Variants in TUSC3 observed in about 807,000 individuals in gnomAD.
The protein encoded by TUSC3 is tumor suppressor candidate 3.
In TUSC3, 45 loss-of-function variants were observed where a neutral mutation model predicts 44.8. That is an observed-to-expected ratio of 1.00 (90% confidence interval 0.79 to 1.29). The LOEUF (loss-of-function observed/expected upper bound fraction) is 1.29. TUSC3 is among the 50% of genes most tolerant of loss of function. TUSC3 has a pLI of 0.00. For synonymous variants in TUSC3, 212 were observed against 152.9 expected, an observed-to-expected ratio of 1.39 and a Z score of -2.85; for missense variants, 519 against 437.9, an observed-to-expected ratio of 1.19 and a Z score of -1.65.
intron 6 of TUSC3, among the ~76,000 whole-genome samples, chr8:15,715,490 T>G (rs2129201462): frequency 6.6e-6 from 1 of 152,212 alleles, no homozygotes; most frequent in East Asian, 1.9e-4. Flanking sequence ...TACGAAGGCA[T>G]GATTCGCAGC....
At chr8:15,775,311 G>C in the TUSC3 span, among the ~76,000 whole-genome samples, 4 of 152,094 alleles carry the variant, frequency 2.6e-5, no homozygotes, top group Admixed American at 2.0e-4. Context: ...TGAGGGGTAG[G>C]ATGGGGAGTG....
At chr8:15,799,538 G>C in the TUSC3 span, among the ~76,000 whole-genome samples, 1 of 152,164 alleles carries the variant, frequency 6.6e-6, no homozygotes, top group African/African-American at 2.4e-5. Context: ...GGTATTGTCA[G>C]CTGTGACCCC....
At chr8:15,539,743 A>C (rs1563278818), upstream of TUSC3, among the ~76,000 whole-genome samples, 1 of 152,102 alleles carries the variant, frequency 6.6e-6, no homozygotes, top group Non-Finnish European at 1.5e-5. Context: ...CTCTGTACTT[A>C]TGCACTCCAT....
intron 6 of TUSC3, among the ~76,000 whole-genome samples, chr8:15,684,381 G>C (rs1223511497): frequency 6.6e-6 from 1 of 152,122 alleles, no homozygotes; most frequent in Admixed American, 6.5e-5. Context: ...AGAGGATCCT[G>C]ACCAGGGCAG....
chr8:15,493,424 G>A (rs973031985), intron 2 of TUSC3, among the ~76,000 whole-genome samples: 12 of 151,982 alleles, frequency 7.9e-5, no homozygotes, highest in African/African-American at 2.9e-4. Flanking sequence ...CATCATGCCT[G>A]GCTACTTTTT....
chr8:15,522,052 T>C lies in TUSC3; in HGVS notation n.189+38569T>C, dbSNP rs145878906. ...CCAACCTCCCTTGCCTCTGATTCTT[T>C]CCTCAATGCTATGGCAAGGCATTTC... On this transcript the variant is annotated intron_variant and non_coding_transcript_variant, in intron 2 of 5. Transcript: ENST00000503191. 7.9e-5 allele frequency among the ~76,000 whole-genome samples: 12 copies of C among 152,330 alleles called. No homozygotes were observed. In the East Asian group the frequency reaches 2.1e-3, roughly 27 times the overall value.
chr8:15,787,465 T>G, the TUSC3 span, among the ~76,000 whole-genome samples: 177 of 152,356 alleles, frequency 1.2e-3, 1 homozygote, highest in African/African-American at 3.9e-3. Context: ...TCCTGGAGTG[T>G]ATGTGCATCA....
At chr8:15,733,515 G>C (rs1387899571) in intron 7 of TUSC3, 10 of 273,608 alleles carry the variant, frequency 3.7e-5, no homozygotes, top group Non-Finnish European at 7.3e-5. Flanking sequence ...AATTCTCCAA[G>C]GTTTAATTTC....
chr8:15,446,335 G>A (rs1473625582), intron 1 of TUSC3, among the ~76,000 whole-genome samples: 1 of 152,008 alleles, frequency 6.6e-6, no homozygotes, highest in South Asian at 2.1e-4. Context: ...TGGCGGCCGG[G>A]CAGAGGCTGC....
At position 15,758,109 on chromosome 8, in the gene TUSC3, C is replaced by A. The variant is rs574558138; in HGVS notation, c.*46+254C>A. On this transcript the variant is annotated intron_variant, in intron 10 of 10. Transcript: ENST00000503731. ...ATTTGACAGATGCAATGCTTCCACCCCCAACAAATATACTTTCTTAACTTC... is the reference window on the plus strand; with the variant it reads ...ATTTGACAGATGCAATGCTTCCACCACCAACAAATATACTTTCTTAACTTC... 71 of 1,233,610 alleles carry A rather than the reference C, an allele frequency of 5.8e-5. No homozygotes were observed. The African/African-American group carries it at 9.6e-4, about 17-fold the overall frequency. The allele number at this position is 1,233,610 out of a possible 1,614,324, so 76.4% of individuals were successfully genotyped here.
At position 15,599,736 on chromosome 8, in the gene TUSC3, T is replaced by C. The variant is rs1221419709; in HGVS notation, c.139-23344T>C. 2.0e-5 allele frequency among the ~76,000 whole-genome samples: 3 copies of C among 150,812 alleles called. No homozygotes were observed. In the East Asian group the frequency reaches 5.9e-4, roughly 29 times the overall value. On this transcript the variant is annotated intron_variant, in intron 1 of 10. Transcript: ENST00000503731. The stretch of plus-strand genomic sequence containing the variant: ...TTTTTTGTCAAAGATCAGTTGATTA[T>C]GTCAGTCTGTTTCTTAGCCCTCTAT...
intron 1 of TUSC3, among the ~76,000 whole-genome samples, chr8:15,543,430 CAGAT>C (rs1431246331): frequency 1.3e-5 from 2 of 152,022 alleles, no homozygotes; most frequent in Non-Finnish European, 2.9e-5. Context: ...TTAAGTCAGA[CAGAT>C]AGATGGTCAA....
At chr8:15,584,673 C>G (rs1055120705) in intron 1 of TUSC3, among the ~76,000 whole-genome samples, 18 of 151,858 alleles carry the variant, frequency 1.2e-4, no homozygotes, top group African/African-American at 4.4e-4. Context: ...TGGAGGCTGC[C>G]CGTTGGATCT....
rs769391132 is a variant in TUSC3 at position 15,718,181 on chromosome 8, G to T, written c.799-12485G>T. ...TTTTGGAAGATTTAACTAGAAGTGA[G>T]GAATTGGAAAGTAAAGATTAGTGAT... On this transcript the variant is annotated intron_variant, in intron 6 of 10. Transcript: ENST00000503731. Among the ~76,000 whole-genome samples the T allele has an allele frequency of 2.4e-4, 36 of 152,154 alleles. 1 individual carries two copies. The Middle Eastern group carries it at 0.014, about 58-fold the overall frequency.
At chr8:15,540,988 A>G (rs915245104) in intron 1 of TUSC3, among the ~76,000 whole-genome samples, 2 of 152,222 alleles carry the variant, frequency 1.3e-5, no homozygotes, top group Admixed American at 6.5e-5. Context: ...GAAGCAACAG[A>G]ACCTGTGCAG....
intron 6 of TUSC3, among the ~76,000 whole-genome samples, chr8:15,694,392 C>A (rs62502158): frequency 0.22 from 31,489 of 141,386 alleles, 4,262 homozygotes; most frequent in Non-Finnish European, 0.31. Context: ...GCCGAGATCA[C>A]GCCATTGCAC....
chr8:15,818,936 C>T, the TUSC3 span, among the ~76,000 whole-genome samples: 20 of 152,142 alleles, frequency 1.3e-4, no homozygotes, highest in Admixed American at 1.2e-3. Flanking sequence ...AAATTCATTC[C>T]TTGTGGGTCT....
the TUSC3 span, among the ~76,000 whole-genome samples, chr8:15,811,677 G>A: frequency 6.6e-6 from 1 of 152,332 alleles, no homozygotes; most frequent in South Asian, 2.1e-4. Flanking sequence ...ATTTGGAAAA[G>A]GCAAATGAGG....
Position 15,562,365 on chromosome 8 carries a change from T to C in TUSC3, c.138+21797T>C, listed in dbSNP as rs1247977301. Among the ~76,000 whole-genome samples the C allele has an allele frequency of 8.5e-5, 13 of 152,178 alleles. 1 individual carries two copies. Among genetic ancestry groups the C allele is most frequent in the Admixed American group, 8.5e-4 (13 of 15,276 alleles). On this transcript the variant is annotated intron_variant, in intron 1 of 10. Coordinates refer to ENST00000503731, the MANE Select transcript of TUSC3 (RefSeq NM_006765.4). ...TTATCTTTCCATCCGTCTTATCTCCTCTCCCTTAAGATGAGTAATCCACTT... is the reference window on the plus strand; with the variant it reads ...TTATCTTTCCATCCGTCTTATCTCCCCTCCCTTAAGATGAGTAATCCACTT...
Sources: gnomAD v4.1 joint callset for allele counts (sites outside exome capture counted in the v4.1 genomes callset) on GRCh38, gnomAD v4.1.1 for gene constraint, MANE v1.5 for transcripts, NCBI Gene and HGNC (gene_info 2026-07-23, HGNC 2026-07-21) for gene names.